PIP5K1B: variants seen among roughly 807,000 people sequenced by gnomAD.
PIP5K1B encodes phosphatidylinositol-4-phosphate 5-kinase type 1 beta.
Under a neutral mutation model 67.0 loss-of-function variants are expected in PIP5K1B, and 42 were observed. The observed-to-expected ratio is 0.63, with a 90% CI of 0.49 to 0.81. The LOEUF is 0.81. Among genes scored for constraint, PIP5K1B ranks in the 30% least tolerant of loss-of-function variants. PIP5K1B has a pLI of 0.00. For missense variants in PIP5K1B, 459 were observed against 646.3 expected, an observed-to-expected ratio of 0.71 and a Z score of 3.14; for synonymous variants, 214 against 231.4, an observed-to-expected ratio of 0.92 and a Z score of 0.68.
chr9:68,793,223 C>A (rs1832097302), intron 2 of PIP5K1B, among the ~76,000 whole-genome samples: 1 of 133,740 alleles, frequency 7.5e-6, no homozygotes, highest in South Asian at 2.6e-4. Flanking sequence ...AGGATTATTG[C>A]AAACATAGGT....
At chr9:68,852,356 C>T (rs569677316) in intron 4 of PIP5K1B, among the ~76,000 whole-genome samples, 1 of 152,190 alleles carries the variant, frequency 6.6e-6, no homozygotes, top group Admixed American at 6.5e-5. Context: ...ACACCGCCCC[C>T]CAAGCCATAA....
intron 15 of PIP5K1B, among the ~76,000 whole-genome samples, chr9:69,007,034 A>G (rs1197599387): frequency 6.6e-6 from 1 of 151,946 alleles, no homozygotes; most frequent in Non-Finnish European, 1.5e-5. Context: ...AGCACCTTAC[A>G]CTCACCTCTT....
chr9:68,947,930 A>T (rs756326), intron 14 of PIP5K1B, among the ~76,000 whole-genome samples: 97,528 of 152,008 alleles, frequency 0.64, 34,814 homozygotes, highest in Non-Finnish European at 0.78. Flanking sequence ...CCCAAGTGAG[A>T]CTCCCTCTGA....
chr9:68,827,604 G>A (rs78201995), intron 4 of PIP5K1B, among the ~76,000 whole-genome samples: 2,690 of 152,292 alleles, frequency 0.018, 87 homozygotes, highest in African/African-American at 0.06. Flanking sequence ...GTTGTACAGG[G>A]TTGAGGGAGA....
intron 9 of PIP5K1B, among the ~76,000 whole-genome samples, chr9:68,919,053 T>G (rs1461140417): frequency 6.6e-6 from 1 of 152,224 alleles, no homozygotes. Flanking sequence ...ATATTTTTTC[T>G]TTGTGTTTTT....
At chr9:68,963,278 T>C in intron 14 of PIP5K1B, 1 of 452,774 alleles carries the variant, frequency 2.2e-6, no homozygotes, top group South Asian at 1.6e-5. Context: ...CGAGGCAGAC[T>C]GATCTCTTGA....
At chr9:68,977,241 G>A (rs1459269393) in intron 14 of PIP5K1B, among the ~76,000 whole-genome samples, 1 of 152,224 alleles carries the variant, frequency 6.6e-6, no homozygotes, top group African/African-American at 2.4e-5. Flanking sequence ...ACTTTGATGG[G>A]CCTAGCATGG....
chr9:68,975,445 A>G (rs1829591890), intron 14 of PIP5K1B, among the ~76,000 whole-genome samples: 1 of 152,258 alleles, frequency 6.6e-6, no homozygotes, highest in Admixed American at 6.5e-5. Flanking sequence ...GTTGCCTAAA[A>G]TATAAACTTC....
intron 14 of PIP5K1B, among the ~76,000 whole-genome samples, chr9:68,951,034 A>G (rs977463781): frequency 1.3e-5 from 2 of 152,224 alleles, no homozygotes; most frequent in African/African-American, 2.4e-5. Flanking sequence ...TTATGGGTGC[A>G]GGAGAATTAG....
At chr9:68,971,981 T>G (rs993723551) in intron 14 of PIP5K1B, among the ~76,000 whole-genome samples, 1 of 152,248 alleles carries the variant, frequency 6.6e-6, no homozygotes, top group African/African-American at 2.4e-5. Flanking sequence ...GCAGGAGCTC[T>G]TTAGTTTAAT....
At chr9:68,725,283 C>T (rs1325126292) in intron 1 of PIP5K1B, among the ~76,000 whole-genome samples, 1 of 152,196 alleles carries the variant, frequency 6.6e-6, no homozygotes, top group Non-Finnish European at 1.5e-5. Context: ...CATCCGGCCT[C>T]TCTGCTAACA....
chr9:68,722,960 C>T (rs537187415), intron 1 of PIP5K1B, among the ~76,000 whole-genome samples: 2 of 152,230 alleles, frequency 1.3e-5, no homozygotes, highest in South Asian at 2.1e-4. Flanking sequence ...TCTCCCCTAC[C>T]CTTCACAGCC....
intron 2 of PIP5K1B, among the ~76,000 whole-genome samples, chr9:68,790,771 A>G (rs538651194): frequency 6.6e-6 from 1 of 152,304 alleles, no homozygotes; most frequent in African/African-American, 2.4e-5. Context: ...GCATATACCT[A>G]TGTAGGTACT....
At chr9:68,732,365 T>C (rs1327566287) in intron 1 of PIP5K1B, among the ~76,000 whole-genome samples, 1 of 152,220 alleles carries the variant, frequency 6.6e-6, no homozygotes, top group East Asian at 1.9e-4. Context: ...TGTTGTTGTT[T>C]ATTTAATAGC....
chr9:68,925,475 C>T (rs1165650309), intron 12 of PIP5K1B, among the ~76,000 whole-genome samples: 1 of 152,120 alleles, frequency 6.6e-6, no homozygotes, highest in Non-Finnish European at 1.5e-5. Context: ...AGGTTCAACC[C>T]TTATTCATGT....
At chr9:68,868,432 G>T (rs1207224042) in intron 5 of PIP5K1B, among the ~76,000 whole-genome samples, 2 of 151,980 alleles carry the variant, frequency 1.3e-5, no homozygotes, top group Non-Finnish European at 2.9e-5. Flanking sequence ...ACACTATTTG[G>T]TATATGAAAT....
chr9:68,830,505 G>A (rs1834254109), intron 4 of PIP5K1B, among the ~76,000 whole-genome samples: 2 of 152,164 alleles, frequency 1.3e-5, no homozygotes, highest in South Asian at 2.1e-4. Flanking sequence ...TTCAGCATTC[G>A]CTTTGGAGGG....
intron 2 of PIP5K1B, among the ~76,000 whole-genome samples, chr9:68,777,195 C>T (rs1830958718): frequency 6.6e-6 from 1 of 152,162 alleles, no homozygotes; most frequent in Non-Finnish European, 1.5e-5. Flanking sequence ...GAGTTCTCTT[C>T]CCTTTTAGAC....
At chr9:68,987,817 T>C (rs1335162739) in intron 14 of PIP5K1B, among the ~76,000 whole-genome samples, 1 of 152,040 alleles carries the variant, frequency 6.6e-6, no homozygotes, top group Non-Finnish European at 1.5e-5. Flanking sequence ...TCATAACTCA[T>C]GAGACTTATT....
Sources: allele counts gnomAD v4.1 joint callset (sites outside exome capture counted in the v4.1 genomes callset), GRCh38; gene constraint gnomAD v4.1.1; transcripts MANE v1.5; gene names NCBI Gene and HGNC (gene_info 2026-07-23, HGNC 2026-07-21).